KIAA1217: variants seen among roughly 807,000 people sequenced by gnomAD.
KIAA1217 encodes sickle tail protein homolog.
Under a neutral mutation model 163.9 loss-of-function variants are expected in KIAA1217, and 88 were observed. That is an observed-to-expected ratio of 0.54 (90% confidence interval 0.45 to 0.64). The LOEUF is 0.64. Among genes scored for constraint, KIAA1217 ranks in the 30% least tolerant of loss-of-function variants. The pLI is 0.00. For synonymous variants in KIAA1217, 903 were observed against 923.1 expected (o/e 0.98, Z 0.39); for missense variants, 2,372 against 2,475.0 (o/e 0.96, Z 0.88).
chr10:24,243,300 T>C (rs954085408), intron 2 of KIAA1217, among the ~76,000 whole-genome samples: 1 of 152,142 alleles, frequency 6.6e-6, no homozygotes, highest in Non-Finnish European at 1.5e-5. Context: ...GGGGTACATG[T>C]GCATGTTTGT....
intron 2 of KIAA1217, chr10:24,368,972 T>C (rs2051180708): frequency 3.6e-6 from 2 of 560,786 alleles, no homozygotes; most frequent in Non-Finnish European, 4.5e-6. Flanking sequence ...AGAACCGAGG[T>C]TCAGAAAGGT....
At chr10:24,355,331 G>A (rs974588274) in intron 2 of KIAA1217, among the ~76,000 whole-genome samples, 1 of 152,184 alleles carries the variant, frequency 6.6e-6, no homozygotes, top group African/African-American at 2.4e-5. Flanking sequence ...CGACTTGGGG[G>A]CTTAAATGAC....
intron 2 of KIAA1217, among the ~76,000 whole-genome samples, chr10:24,362,405 G>A (rs994423769): frequency 6.6e-6 from 1 of 152,128 alleles, no homozygotes; most frequent in African/African-American, 2.4e-5. Context: ...TAGAGAATAA[G>A]GATATTAACA....
In KIAA1217 at chr10:24,067,971, C is replaced by T. The variant is rs372392808; in HGVS notation, c.-171+60597C>T. ...TGCAGGATATAATCTCCTGGTGTGC[C>T]GTTTGTGAAGCCTGTTGGAAAAGTG... On this transcript the variant is annotated intron_variant, in intron 2 of 18. Transcript: ENST00000376462. Among the ~76,000 whole-genome samples, 99 of 149,448 alleles carry T rather than the reference C, an allele frequency of 6.6e-4. 1 individual carries two copies. The highest frequency in any genetic ancestry group is 2.5e-3 in the African/African-American group (96 of 38,810).
chr10:24,327,183 G>C (rs1448039232), intron 2 of KIAA1217, among the ~76,000 whole-genome samples: 1 of 152,158 alleles, frequency 6.6e-6, no homozygotes, highest in Admixed American at 6.5e-5. Context: ...TTTGGGTATG[G>C]TCAGTGTTTT....
chr10:24,438,286 T>C (rs1176825205), intron 4 of KIAA1217, 100 bp from the exon 5 acceptor site: 3 of 781,800 alleles, frequency 3.8e-6, no homozygotes, highest in Non-Finnish European at 6.8e-6. Flanking sequence ...CTTTGGATTG[T>C]CTGTTCATGT....
At chr10:24,460,262 A>G (rs568870496) in intron 5 of KIAA1217, among the ~76,000 whole-genome samples, 1 of 152,348 alleles carries the variant, frequency 6.6e-6, no homozygotes, top group Admixed American at 6.5e-5. Context: ...AGCCTATAAA[A>G]TTGTATAACA....
At chr10:23,933,132 T>C (rs991569297) in intron 1 of KIAA1217, among the ~76,000 whole-genome samples, 1 of 152,236 alleles carries the variant, frequency 6.6e-6, no homozygotes, top group Non-Finnish European at 1.5e-5. Context: ...ATCAGCTTAT[T>C]ATCTGCTAGG....
At chr10:23,788,116 T>C (rs1835578511) in intron 1 of KIAA1217, among the ~76,000 whole-genome samples, 3 of 152,166 alleles carry the variant, frequency 2.0e-5, no homozygotes, top group Non-Finnish European at 4.4e-5. Context: ...GAGAACTGCT[T>C]GAGCCTGGGA....
chr10:24,466,664 C>T, intron 5 of KIAA1217: 2 of 985,364 alleles, frequency 2.0e-6, no homozygotes, highest in Non-Finnish European at 2.4e-6. Context: ...AGGAAGCTGT[C>T]TAAAATATTC....
At chr10:24,101,047 CAACAA>C (rs929875363) in intron 2 of KIAA1217, among the ~76,000 whole-genome samples, 8 of 151,988 alleles carry the variant, frequency 5.3e-5, no homozygotes, top group African/African-American at 7.2e-5. Context: ...TTCTTTTTCT[CAACAA>C]AACAAAACAA....
chr10:24,001,610 T>G (rs1846747055), intron 1 of KIAA1217, among the ~76,000 whole-genome samples: 1 of 152,200 alleles, frequency 6.6e-6, no homozygotes, highest in Admixed American at 6.5e-5. Flanking sequence ...CATTTCCATT[T>G]TATAGATGAG....
At chr10:23,856,656 G>A (rs939694457) in intron 1 of KIAA1217, among the ~76,000 whole-genome samples, 1 of 152,234 alleles carries the variant, frequency 6.6e-6, no homozygotes, top group Non-Finnish European at 1.5e-5. Flanking sequence ...GCTGTGGTGG[G>A]CACCACCCAG....
intron 2 of KIAA1217, among the ~76,000 whole-genome samples, chr10:24,333,551 A>G (rs1179421410): frequency 6.6e-6 from 1 of 152,216 alleles, no homozygotes; most frequent in East Asian, 1.9e-4. Context: ...TAAAAGCAGT[A>G]TAAAATGGGT....
At chr10:24,405,550 A>G (rs1448134333) in intron 3 of KIAA1217, among the ~76,000 whole-genome samples, 1 of 152,216 alleles carries the variant, frequency 6.6e-6, no homozygotes, top group Non-Finnish European at 1.5e-5. Flanking sequence ...CCTATTTTCT[A>G]GAAGGAGACT....
At chr10:23,932,063 C>T (rs1316190041) in intron 1 of KIAA1217, among the ~76,000 whole-genome samples, 1 of 152,116 alleles carries the variant, frequency 6.6e-6, no homozygotes, top group African/African-American at 2.4e-5. Flanking sequence ...AGAATGCACA[C>T]CTGGGCTTCT....
chr10:23,982,093 G>A (rs1489804420), intron 1 of KIAA1217, among the ~76,000 whole-genome samples: 1 of 151,794 alleles, frequency 6.6e-6, no homozygotes, highest in Admixed American at 6.6e-5. Context: ...GAAGCTGCAG[G>A]AAATCTTGTG....
intron 2 of KIAA1217, among the ~76,000 whole-genome samples, chr10:24,179,413 C>G (rs546477915): frequency 1.3e-5 from 2 of 152,118 alleles, no homozygotes; most frequent in South Asian, 2.1e-4. Flanking sequence ...GGTACCTCCC[C>G]CCTCACTTCC....
chr10:24,209,029 G>A, upstream of KIAA1217: 1 of 605,652 alleles, frequency 1.7e-6, no homozygotes, highest in Non-Finnish European at 2.9e-6. Context: ...CAGTTTTCTC[G>A]GGCGAGGGAG....
Sources: gnomAD v4.1 joint callset for allele counts (sites outside exome capture counted in the v4.1 genomes callset) on GRCh38, gnomAD v4.1.1 for gene constraint, MANE v1.5 for transcripts, NCBI Gene and HGNC (gene_info 2026-07-23, HGNC 2026-07-21) for gene names.